Variants in RAI14 observed in about 807,000 individuals in gnomAD.
RAI14 encodes the protein ankycorbin.
RAI14 carries 45 observed loss-of-function variants against 115.4 expected under a neutral mutation model. That is an observed-to-expected ratio of 0.39 (90% CI 0.31 to 0.50). RAI14 has a LOEUF of 0.50. RAI14 is among the 20% of genes least tolerant of loss of function. The pLI is 0.85. For missense variants in RAI14, 939 were observed against 1,131.2 expected, an observed-to-expected ratio of 0.83 and a Z score of 2.44; for synonymous variants, 371 against 415.4, an observed-to-expected ratio of 0.89 and a Z score of 1.30.
At chr5:34,687,671 C>T in intron 2 of RAI14, 1 of 1,551,134 alleles carries the variant, frequency 6.4e-7, no homozygotes, top group Non-Finnish European at 8.7e-7. Context: ...ATACTTTGAG[C>T]AGAGTTGTGG....
chr5:34,824,254 A>G lies in RAI14; in HGVS notation c.2412A>G (p.Ala804=). The change falls in exon 15 of 18, where the codon GCA becomes GCG. Residue 804 remains alanine, a synonymous_variant. Coordinates refer to ENST00000265109, the MANE Select transcript of RAI14 (RefSeq NM_015577.3). The part of the protein sequence containing the change: ...SSLESEVSVL[A]SKLKESVKEK... ...TAGAGAGTGAAGTGAGTGTGTTGGC[A>G]TCGAAATTAAAGGAATCTGTGAAAG... is the stretch of plus-strand genomic sequence containing the variant. 1 of 1,614,210 alleles carries G rather than the reference A, an allele frequency of 6.2e-7. No homozygotes were observed. Among genetic ancestry groups the G allele is most frequent in the Non-Finnish European group, 8.5e-7 (1 of 1,180,018 alleles).
At chr5:34,716,537 C>G (rs1580002640) in intron 2 of RAI14, among the ~76,000 whole-genome samples, 1 of 152,036 alleles carries the variant, frequency 6.6e-6, no homozygotes, top group Non-Finnish European at 1.5e-5. Context: ...CACGGCCTCC[C>G]AAGTAGCTGA....
chr5:34,801,211 G>A (rs1275384026), intron 4 of RAI14, among the ~76,000 whole-genome samples: 1 of 152,000 alleles, frequency 6.6e-6, no homozygotes, highest in African/African-American at 2.4e-5. Flanking sequence ...GGGGACAGAG[G>A]GATTCCTGTC....
At chr5:34,813,693 C>T (rs778903507) in intron 11 of RAI14, 33 bp downstream of exon 11, 49 of 1,519,720 alleles carry the variant, frequency 3.2e-5, no homozygotes, top group Admixed American at 2.1e-4. Context: ...AATCAATAAA[C>T]GCACCACAAG....
rs909051640 is a variant in RAI14, at chr5:34,831,283, G to A, written c.*518G>A. 1.3e-5 allele frequency: 2 copies of A among 152,906 alleles called. No homozygotes were observed. The highest frequency in any genetic ancestry group is 6.5e-5 in the Admixed American group (1 of 15,326). 9.5% of individuals were successfully genotyped at this position (152,906 alleles called of 1,614,324 possible). On this transcript the variant is annotated 3_prime_UTR_variant, in exon 18 of 18. Transcript: ENST00000265109. The stretch of plus-strand genomic sequence containing the variant: ...AAAACCCTTCATCATGATATCCTGT[G>A]GATTTAAAAACTCTAATTCCATGTT...
intron 7 of RAI14, 134 bp downstream of exon 7, chr5:34,808,788 GATA>G: frequency 2.4e-6 from 2 of 818,322 alleles, no homozygotes; most frequent in Non-Finnish European, 3.9e-6. Context: ...TTTTGAGGAA[GATA>G]ATTTTTCCAT....
At chr5:34,713,573 A>G (rs888627510) in intron 2 of RAI14, among the ~76,000 whole-genome samples, 1 of 152,114 alleles carries the variant, frequency 6.6e-6, no homozygotes, top group African/African-American at 2.4e-5. Flanking sequence ...AATTTTAAAC[A>G]TTGTTTTATA....
intron 1 of RAI14, among the ~76,000 whole-genome samples, chr5:34,663,722 T>C (rs1188409609): frequency 1.3e-5 from 2 of 152,200 alleles, no homozygotes; most frequent in African/African-American, 2.4e-5. Flanking sequence ...AAGCCCCTCA[T>C]GGCGGTCATC....
intron 2 of RAI14, among the ~76,000 whole-genome samples, chr5:34,752,823 G>A (rs952772926): frequency 1.4e-5 from 2 of 148,046 alleles, no homozygotes; most frequent in East Asian, 2.0e-4. Context: ...GTTGGAGTGC[G>A]GTGGTGCAAT....
At position 34,811,034 on chromosome 5, in the gene RAI14, T is replaced by G. The variant is rs764901550; in HGVS notation, c.473T>G (p.Leu158Arg). Residue 158 changes from leucine to arginine, a missense_variant, in exon 8 of 18, where the codon CTT (leucine) becomes CGT (arginine). Physicochemically the swap from Leu to Arg is moderately radical, Grantham distance 102. Transcript: ENST00000265109. ...TAGGATGGGAATATACCGCTGCTTC[T>G]TGCTGTACAAAATGGTCACAGTGAG... ...KDLDGNIPLLLAVQNGHSEIC... is the reference protein window; with the variant it reads ...KDLDGNIPLLRAVQNGHSEIC... The G allele has an allele frequency of 1.1e-4, 180 of 1,613,954 alleles. No individual in the cohort carries two copies. The highest frequency in any genetic ancestry group is 1.4e-4 in the Non-Finnish European group (169 of 1,180,008).
chr5:34,796,903 TTGTC>T (rs1375301281), intron 4 of RAI14, among the ~76,000 whole-genome samples: 2 of 152,180 alleles, frequency 1.3e-5, no homozygotes, highest in Non-Finnish European at 2.9e-5. Flanking sequence ...TCAGATTCCA[TTGTC>T]TGGAAGTTGC....
At chr5:34,809,608 CT>C (rs61391015) in intron 7 of RAI14, among the ~76,000 whole-genome samples, 42,849 of 143,672 alleles carry the variant, frequency 0.3, 7,484 homozygotes, top group African/African-American at 0.52. Flanking sequence ...GAGAGCTGCA[CT>C]TTTTTTTTTT....
intron 1 of RAI14, among the ~76,000 whole-genome samples, chr5:34,663,056 G>T (rs1334319617): frequency 6.6e-6 from 1 of 152,078 alleles, no homozygotes; most frequent in African/African-American, 2.4e-5. Context: ...TCTTCCCTTT[G>T]TAGTTAGTCA....
At chr5:34,667,771 G>A (rs145495617) in intron 1 of RAI14, among the ~76,000 whole-genome samples, 138 of 152,210 alleles carry the variant, frequency 9.1e-4, no homozygotes, top group African/African-American at 3.1e-3. Flanking sequence ...CAATGGCATT[G>A]AGCAGCAGCA....
At chr5:34,771,798 C>T (rs149987098) in intron 3 of RAI14, among the ~76,000 whole-genome samples, 1 of 152,308 alleles carries the variant, frequency 6.6e-6, no homozygotes, top group African/African-American at 2.4e-5. Flanking sequence ...CCACTGAGAA[C>T]ACTGTTTGCT....
At chr5:34,807,464 C>T (rs977359354) in intron 5 of RAI14, among the ~76,000 whole-genome samples, 3 of 151,650 alleles carry the variant, frequency 2.0e-5, no homozygotes, top group East Asian at 1.9e-4. Context: ...AAGCTGGTTT[C>T]GTGAAGGGGG....
chr5:34,814,494 TGG>T, intron 11 of RAI14, 87 bp from the exon 12 acceptor site: 1 of 924,552 alleles, frequency 1.1e-6, no homozygotes, highest in South Asian at 1.4e-5. Flanking sequence ...TTCATTGCAT[TGG>T]TTAAACAGGT....
intron 4 of RAI14, 31 bp downstream of exon 4, chr5:34,796,058 G>A (rs778235458): frequency 2.0e-6 from 3 of 1,527,766 alleles, no homozygotes; most frequent in East Asian, 2.3e-5. Flanking sequence ...TAAGTCAGCA[G>A]GCCAGCACCA....
intron 2 of RAI14, among the ~76,000 whole-genome samples, chr5:34,725,780 A>G (rs1182320265): frequency 6.6e-6 from 1 of 151,762 alleles, no homozygotes; most frequent in Non-Finnish European, 1.5e-5. Context: ...AGCCTGACCA[A>G]CATGGTGAAA....
Sources: gnomAD v4.1 joint callset for allele counts (sites outside exome capture counted in the v4.1 genomes callset) on GRCh38, gnomAD v4.1.1 for gene constraint, MANE v1.5 for transcripts, NCBI Gene and HGNC (gene_info 2026-07-23, HGNC 2026-07-21) for gene names.